Variants in HFM1 observed in about 807,000 individuals in gnomAD.
HFM1 encodes probable ATP-dependent DNA helicase HFM1.
In HFM1, 169 loss-of-function variants were observed where a neutral mutation model predicts 192.1. The observed-to-expected ratio is 0.88, with a 90% CI of 0.78 to 1.00. The LOEUF is 1.00. Ranked by LOEUF, HFM1 falls within the 50% of genes least tolerant of loss-of-function variation. HFM1 has a pLI of 0.00. For synonymous variants in HFM1, 525 were observed against 537.8 expected (o/e 0.98, Z 0.33); for missense variants, 1,661 against 1,668.0 (o/e 1.00, Z 0.07).
At chr1:91,262,814 G>A (rs1665295051) in intron 36 of HFM1, among the ~76,000 whole-genome samples, 1 of 152,024 alleles carries the variant, frequency 6.6e-6, no homozygotes, top group Non-Finnish European at 1.5e-5. Flanking sequence ...CTATTTTTAA[G>A]GGACTATAGA....
chr1:91,288,113 C>G (rs934748541), intron 30 of HFM1, among the ~76,000 whole-genome samples: 2 of 150,932 alleles, frequency 1.3e-5, no homozygotes, highest in African/African-American at 4.9e-5. Flanking sequence ...AGGAGAAGTT[C>G]CCCAATCTAG....
intron 23 of HFM1, among the ~76,000 whole-genome samples, chr1:91,321,758 A>C (rs537926223): frequency 2.6e-4 from 40 of 152,326 alleles, no homozygotes; most frequent in African/African-American, 9.1e-4. Flanking sequence ...ATGTATAAAA[A>C]CAATTATAAA....
At chr1:91,305,636 T>C (rs1033955725) in intron 30 of HFM1, among the ~76,000 whole-genome samples, 5 of 151,976 alleles carry the variant, frequency 3.3e-5, no homozygotes, top group African/African-American at 4.8e-5. Context: ...GGTGTAATCA[T>C]AGCTCACTGT....
chr1:91,349,306 G>C (rs166855), intron 18 of HFM1, among the ~76,000 whole-genome samples: 151,765 of 152,004 alleles, frequency 1, 75,763 homozygotes, highest in East Asian at 1. Context: ...AAAATGCCCA[G>C]AAATTCTTTG....
chr1:91,369,033 C>T (rs973019685), intron 13 of HFM1, among the ~76,000 whole-genome samples: 1 of 152,152 alleles, frequency 6.6e-6, no homozygotes, highest in Non-Finnish European at 1.5e-5. Flanking sequence ...CGGATCAATT[C>T]AACAAGAAGA....
At chr1:91,398,281 C>T (rs534839096) in intron 2 of HFM1, among the ~76,000 whole-genome samples, 2 of 152,312 alleles carry the variant, frequency 1.3e-5, no homozygotes, top group Admixed American at 1.3e-4. Flanking sequence ...CCAGAGGTGA[C>T]ATCATCATCC....
chr1:91,390,667 T>C (rs1414159941), intron 4 of HFM1, among the ~76,000 whole-genome samples: 2 of 152,080 alleles, frequency 1.3e-5, no homozygotes, highest in Middle Eastern at 3.2e-3. Context: ...GGGCAAAAAC[T>C]GGAAGCATTC....
intron 4 of HFM1, among the ~76,000 whole-genome samples, chr1:91,386,073 A>T (rs1232694568): frequency 6.6e-6 from 1 of 152,230 alleles, no homozygotes; most frequent in East Asian, 1.9e-4. Flanking sequence ...CAGCCCAATG[A>T]TCCTTGCCTG....
In HFM1 at chr1:91,276,737, AT is replaced by A; in HGVS notation, c.3478del (p.Ile1160LeufsTer21). ...KHTCGHDCCK[I>X]GVAQKSEIKE... Reference sequence around the variant, plus strand: ...AATTTCTGACTTCTGTGCAACTCCAATTTTACCTATGAAAAGAAACTTCAGA... The same window carrying A: ...AATTTCTGACTTCTGTGCAACTCCAATTTACCTATGAAAAGAAACTTCAGA... On this transcript the variant is annotated frameshift_variant, in exon 32 of 39. Coordinates refer to ENST00000370425, the MANE Select transcript of HFM1 (RefSeq NM_001017975.6). LOFTEE classifies it high-confidence loss of function. 7.1e-7 allele frequency: 1 copy of A among 1,405,088 alleles called. No individual in the cohort carries two copies. The highest frequency in any genetic ancestry group is 9.6e-7 in the Non-Finnish European group (1 of 1,037,262). 87.0% of individuals were successfully genotyped at this position (1,405,088 alleles called of 1,614,324 possible). A position where few individuals can be genotyped will look rare whatever the true frequency, so the allele number is the denominator to read the frequency against.
chr1:91,277,057 T>A lies in HFM1; in HGVS notation c.3397A>T (p.Thr1133Ser). 6.3e-7 allele frequency: 1 copy of A among 1,580,372 alleles called. No individual in the cohort carries two copies. The highest frequency in any genetic ancestry group is 1.2e-5 in the South Asian group (1 of 86,288). ...CGGTTCCCAGGTTTTTTGCTGGCAG[T>A]CGTTCCTAAATTAATATAAGAAAAA... ...STIAGPNKGT[T>S]ASKKPGNREC... Residue 1133 changes from threonine to serine, a missense_variant, in exon 31 of 39, where the codon ACT (threonine) becomes TCT (serine). Physicochemically the swap from Thr to Ser is moderately conservative, Grantham distance 58 (BLOSUM62 1). Transcript: ENST00000370425.
intron 30 of HFM1, among the ~76,000 whole-genome samples, chr1:91,291,358 G>A (rs1668730300): frequency 6.6e-6 from 1 of 152,070 alleles, no homozygotes. Context: ...AATAAAAAAT[G>A]ATAAAGGGGA....
At chr1:91,305,923 G>A (rs367964656) in intron 30 of HFM1, among the ~76,000 whole-genome samples, 4 of 152,004 alleles carry the variant, frequency 2.6e-5, no homozygotes, top group Admixed American at 6.6e-5. Context: ...GCACAATGTC[G>A]AATAGAAATA....
chr1:91,288,046 CT>C (rs1668227791), intron 30 of HFM1, among the ~76,000 whole-genome samples: 1 of 151,710 alleles, frequency 6.6e-6, no homozygotes. Context: ...ATTGGTGTAC[CT>C]TAAAGTGACG....
At chr1:91,367,543 C>G (rs1056661172) in intron 13 of HFM1, among the ~76,000 whole-genome samples, 2 of 152,144 alleles carry the variant, frequency 1.3e-5, no homozygotes, top group Admixed American at 1.3e-4. Flanking sequence ...AGCTGAGGGT[C>G]CTGACTGTTA....
intron 25 of HFM1, among the ~76,000 whole-genome samples, chr1:91,316,917 A>T (rs281993): frequency 1 from 152,162 of 152,344 alleles, 75,990 homozygotes; most frequent in Non-Finnish European, 1. Flanking sequence ...TGTTTCTGTA[A>T]CTAAACCAGA....
intron 30 of HFM1, among the ~76,000 whole-genome samples, chr1:91,280,693 C>CT (rs1667380023): frequency 6.6e-6 from 1 of 152,208 alleles, no homozygotes; most frequent in African/African-American, 2.4e-5. Flanking sequence ...TCAGATAAAA[C>CT]TGCTTAGCTG....
intron 18 of HFM1, among the ~76,000 whole-genome samples, 164 bp downstream of exon 18, chr1:91,350,574 C>A (rs1191428065): frequency 6.6e-6 from 1 of 151,998 alleles, no homozygotes. Flanking sequence ...ATAAAAATTT[C>A]TCAGCTTGTC....
In HFM1 at chr1:91,316,493, AAAC is replaced by A. The variant is rs1557837074; in HGVS notation, c.2813-20_2813-18del. ...ATGTTATACCTGTGGAAAATTAATC[AAAC>A]AACAACTTAAAAATAATGCACTTTA... On this transcript the variant is annotated intron_variant, in intron 25 of 38. Coordinates refer to ENST00000370425, the MANE Select transcript of HFM1 (RefSeq NM_001017975.6). 3 of 1,208,674 alleles carry A rather than the reference AAAC, an allele frequency of 2.5e-6. No homozygotes were observed. Among genetic ancestry groups the A allele is most frequent in the East Asian group, 2.6e-5 (1 of 38,486 alleles). The allele number at this position is 1,208,674 out of a possible 1,614,324, so 74.9% of individuals were successfully genotyped here. A position where few individuals can be genotyped will look rare whatever the true frequency, so the allele number is the denominator to read the frequency against.
At chr1:91,343,256 A>C (rs979320922) in intron 20 of HFM1, among the ~76,000 whole-genome samples, 174 bp downstream of exon 20, 2 of 140,546 alleles carry the variant, frequency 1.4e-5, no homozygotes, top group African/African-American at 5.3e-5. Flanking sequence ...AAAAAAAACT[A>C]TTACAAATAG....
Sources: allele counts gnomAD v4.1 joint callset (sites outside exome capture counted in the v4.1 genomes callset), GRCh38; gene constraint gnomAD v4.1.1; transcripts MANE v1.5; gene names NCBI Gene and HGNC (gene_info 2026-07-23, HGNC 2026-07-21).